Variants in PXDNL observed in about 807,000 individuals in gnomAD.
The protein encoded by PXDNL is probable oxidoreductase PXDNL.
PXDNL carries 145 observed loss-of-function variants against 150.8 expected under a neutral mutation model. The observed-to-expected ratio is 0.96, with a 90% confidence interval of 0.84 to 1.10. The LOEUF (loss-of-function observed/expected upper bound fraction) is 1.10. PXDNL is among the 50% of genes least tolerant of loss of function. PXDNL has a pLI of 0.00. For missense variants in PXDNL, 2,087 were observed against 1,873.9 expected (o/e 1.11, Z -2.10); for synonymous variants, 757 against 725.7 (o/e 1.04, Z -0.69).
intron 4 of PXDNL, among the ~76,000 whole-genome samples, chr8:51,536,826 A>G (rs1812088222): frequency 6.6e-6 from 1 of 152,166 alleles, no homozygotes; most frequent in Admixed American, 6.5e-5. Context: ...TGAGAAAGTG[A>G]TTTTTGCAAC....
chr8:51,673,647 G>T (rs1187975485), intron 1 of PXDNL, among the ~76,000 whole-genome samples: 2 of 152,120 alleles, frequency 1.3e-5, no homozygotes, highest in African/African-American at 4.8e-5. Context: ...ATAGCATAAA[G>T]AAAAATCAAT....
chr8:51,773,474 A>G (rs183709979), intron 1 of PXDNL, among the ~76,000 whole-genome samples: 110 of 152,320 alleles, frequency 7.2e-4, no homozygotes, highest in African/African-American at 2.0e-3. Context: ...GCAGGGAGGG[A>G]CATCATAGTG....
chr8:51,637,419 T>C (rs1448743209), intron 2 of PXDNL, among the ~76,000 whole-genome samples: 1 of 152,208 alleles, frequency 6.6e-6, no homozygotes, highest in Non-Finnish European at 1.5e-5. Flanking sequence ...AAGGACTAAG[T>C]TCGAACCCAT....
chr8:51,444,749 T>C (rs1236841265), intron 12 of PXDNL, among the ~76,000 whole-genome samples: 1 of 152,166 alleles, frequency 6.6e-6, no homozygotes, highest in African/African-American at 2.4e-5. Flanking sequence ...TGCTATACTT[T>C]TTCTTGAATT....
chr8:51,590,799 A>T (rs1375137241), intron 3 of PXDNL, among the ~76,000 whole-genome samples: 3 of 152,138 alleles, frequency 2.0e-5, no homozygotes, highest in Non-Finnish European at 2.9e-5. Flanking sequence ...AGTCTCACCC[A>T]TACCAGATTC....
intron 1 of PXDNL, among the ~76,000 whole-genome samples, chr8:51,758,830 G>T (rs538402026): frequency 6.6e-6 from 1 of 152,240 alleles, no homozygotes; most frequent in East Asian, 1.9e-4. Context: ...GTGTAAAAAT[G>T]GACTCATACA....
chr8:51,448,700 A>AAAAC (rs55820855), intron 11 of PXDNL, among the ~76,000 whole-genome samples: 5,703 of 150,440 alleles, frequency 0.038, 117 homozygotes, highest in Non-Finnish European at 0.044. Context: ...ACTCTGTCTC[A>AAAAC]AAACAAACAA....
At chr8:51,403,130 CAG>C (rs908467279) in intron 17 of PXDNL, among the ~76,000 whole-genome samples, 2 of 146,448 alleles carry the variant, frequency 1.4e-5, no homozygotes, top group African/African-American at 5.0e-5. Flanking sequence ...AAAAAAGAAA[CAG>C]TGTGATTCTT....
intron 11 of PXDNL, among the ~76,000 whole-genome samples, chr8:51,447,883 C>T (rs1259082131): frequency 6.6e-6 from 1 of 152,138 alleles, no homozygotes; most frequent in African/African-American, 2.4e-5. Flanking sequence ...TCAAATCAAA[C>T]CCCACAACCA....
intron 3 of PXDNL, among the ~76,000 whole-genome samples, chr8:51,589,837 T>C (rs945522470): frequency 4.6e-5 from 7 of 152,096 alleles, no homozygotes; most frequent in African/African-American, 1.4e-4. Context: ...GCTGGCCATG[T>C]AAAGAGTAAA....
At chr8:51,501,391 AAC>A (rs1264923936) in intron 4 of PXDNL, among the ~76,000 whole-genome samples, 2 of 151,318 alleles carry the variant, frequency 1.3e-5, no homozygotes, top group Non-Finnish European at 1.5e-5. Context: ...CACCTACATG[AAC>A]ACACTCTCAC....
In PXDNL at chr8:51,374,751, A is replaced by T; in HGVS notation, c.3558-20T>A. 1 of 1,612,918 alleles carries T rather than the reference A, an allele frequency of 6.2e-7. No individual in the cohort carries two copies. On this transcript the variant is annotated intron_variant, in intron 17 of 22. Transcript: ENST00000356297. ...TACAACCTGGAACAGAGACAGGCAGACAGCGCACACCTGAGACTGAAAGTG... is the reference window on the plus strand; with the variant it reads ...TACAACCTGGAACAGAGACAGGCAGTCAGCGCACACCTGAGACTGAAAGTG...
At chr8:51,659,533 G>A (rs1254546968) in intron 1 of PXDNL, among the ~76,000 whole-genome samples, 1 of 152,178 alleles carries the variant, frequency 6.6e-6, no homozygotes, top group East Asian at 1.9e-4. Context: ...GAAGAAAAGG[G>A]ATGGACAGAG....
intron 4 of PXDNL, among the ~76,000 whole-genome samples, chr8:51,531,543 G>A (rs977134982): frequency 6.6e-6 from 1 of 152,154 alleles, no homozygotes; most frequent in African/African-American, 2.4e-5. Context: ...CCGGTCCCCA[G>A]GGAGAAGGTA....
intron 3 of PXDNL, among the ~76,000 whole-genome samples, chr8:51,561,077 G>T (rs1217918673): frequency 1.3e-5 from 2 of 151,878 alleles, no homozygotes; most frequent in African/African-American, 4.8e-5. Flanking sequence ...CACCTCACAT[G>T]TTAGGATAGC....
chr8:51,696,636 C>T (rs1403862289), intron 1 of PXDNL, among the ~76,000 whole-genome samples: 1 of 140,628 alleles, frequency 7.1e-6, no homozygotes, highest in East Asian at 2.1e-4. Flanking sequence ...CATTCACAGG[C>T]ATACGCACAT....
chr8:51,587,127 T>A (rs1322345928), intron 3 of PXDNL, among the ~76,000 whole-genome samples: 1 of 152,202 alleles, frequency 6.6e-6, no homozygotes, highest in Non-Finnish European at 1.5e-5. Context: ...ATCATTATAA[T>A]TTGGATGTCA....
At chr8:51,489,007 ACT>A (rs1379336712) in intron 5 of PXDNL, among the ~76,000 whole-genome samples, 1 of 152,206 alleles carries the variant, frequency 6.6e-6, no homozygotes, top group Admixed American at 6.5e-5. Context: ...TAGGAATTAA[ACT>A]CTGATTAAAA....
intron 12 of PXDNL, among the ~76,000 whole-genome samples, chr8:51,436,804 AAAG>A (rs145773994): frequency 0.01 from 1,595 of 152,312 alleles, 31 homozygotes; most frequent in African/African-American, 0.037. Flanking sequence ...GGAACTAGAG[AAAG>A]AAGAACAAAC....
Sources: allele counts gnomAD v4.1 joint callset (sites outside exome capture counted in the v4.1 genomes callset), GRCh38; gene constraint gnomAD v4.1.1; transcripts MANE v1.5; gene names NCBI Gene and HGNC (gene_info 2026-07-23, HGNC 2026-07-21).